The following ATG10 variants were observed in gnomAD, a reference collection of about 807,000 sequenced individuals.
ATG10 encodes the protein autophagy related 10, also known as ubiquitin-like-conjugating enzyme ATG10.
A neutral mutation model predicts 32.1 loss-of-function variants in ATG10; 30 were observed. The observed-to-expected ratio is 0.94, with a 90% confidence interval of 0.70 to 1.27. The LOEUF (loss-of-function observed/expected upper bound fraction) is 1.27, where lower values mean the gene tolerates loss of function less well. Ranked by LOEUF, ATG10 falls within the 50% of genes most tolerant of loss-of-function variation. The pLI is 0.00. For missense variants in ATG10, 233 were observed against 262.3 expected (o/e 0.89, Z 0.77); for synonymous variants, 87 against 91.5 (o/e 0.95, Z 0.28).
intron 1 of ATG10, among the ~76,000 whole-genome samples, chr5:81,977,747 G>A (rs1760909170): frequency 6.6e-6 from 1 of 152,154 alleles, no homozygotes; most frequent in South Asian, 2.1e-4. Context: ...AGAACTCCAA[G>A]TTTTGGAGTC....
chr5:82,016,983 C>G (rs908836002), intron 2 of ATG10, among the ~76,000 whole-genome samples: 2 of 152,176 alleles, frequency 1.3e-5, no homozygotes, highest in Non-Finnish European at 2.9e-5. Flanking sequence ...AGCCACTGCG[C>G]CCAGCCCCAG....
intron 3 of ATG10, among the ~76,000 whole-genome samples, chr5:82,067,595 T>C (rs927305984): frequency 6.6e-6 from 1 of 152,158 alleles, no homozygotes; most frequent in African/African-American, 2.4e-5. Context: ...AATAGCACTT[T>C]GCAAAATTCA....
intron 5 of ATG10, among the ~76,000 whole-genome samples, chr5:82,252,297 C>T (rs1390146546): frequency 6.6e-6 from 1 of 152,194 alleles, no homozygotes; most frequent in Non-Finnish European, 1.5e-5. Context: ...TGATAAAATG[C>T]AACTACAGTT....
chr5:82,154,739 C>T (rs1457385681), intron 3 of ATG10, among the ~76,000 whole-genome samples: 1 of 152,212 alleles, frequency 6.6e-6, no homozygotes, highest in Non-Finnish European at 1.5e-5. Context: ...AAAGCAACAA[C>T]CACATCTTTG....
chr5:82,177,481 G>C (rs922742161), intron 4 of ATG10, among the ~76,000 whole-genome samples: 2 of 152,104 alleles, frequency 1.3e-5, no homozygotes, highest in African/African-American at 4.8e-5. Flanking sequence ...ATATCTTTAA[G>C]TGATATCATC....
chr5:82,015,560 G>T (rs185889940), intron 2 of ATG10, among the ~76,000 whole-genome samples: 100 of 151,962 alleles, frequency 6.6e-4, no homozygotes, highest in African/African-American at 2.2e-3. Context: ...TTCTCTTCTC[G>T]CTTCAATTCA....
At position 81,985,357 on chromosome 5, in the gene ATG10, A is replaced by G. The variant is rs187756632; in HGVS notation, c.-12-2202A>G. On this transcript the variant is annotated intron_variant, in intron 1 of 7. Coordinates refer to ENST00000282185, the MANE Select transcript of ATG10 (RefSeq NM_031482.5). ...TCTTCTCTTGCTAGTCTAGTTTTGCATTCTCTCTGATTGATGAAATGGGTT... is the reference window on the plus strand; with the variant it reads ...TCTTCTCTTGCTAGTCTAGTTTTGCGTTCTCTCTGATTGATGAAATGGGTT... Among the ~76,000 whole-genome samples, 7 of 152,222 alleles carry G rather than the reference A, an allele frequency of 4.6e-5. No individual in the cohort carries two copies. In the East Asian group the frequency reaches 1.4e-3, roughly 29 times the overall value.
At chr5:81,977,638 A>G (rs1336879672) in intron 1 of ATG10, among the ~76,000 whole-genome samples, 1 of 152,192 alleles carries the variant, frequency 6.6e-6, no homozygotes, top group Non-Finnish European at 1.5e-5. Context: ...CTGTCTTTGC[A>G]GGAGCTCCTC....
At chr5:81,993,422 T>TCTTTCCTTTC in intron 2 of ATG10, among the ~76,000 whole-genome samples, 1 of 142,442 alleles carries the variant, frequency 7.0e-6, no homozygotes, top group Non-Finnish European at 1.5e-5. Context: ...TCTTTTCTTT[T>TCTTTCCTTTC]CTTTCCTTCT....
chr5:82,072,180 G>A (rs957783935), intron 3 of ATG10, among the ~76,000 whole-genome samples: 17 of 152,174 alleles, frequency 1.1e-4, no homozygotes, highest in African/African-American at 4.1e-4. Flanking sequence ...GAACATGTAG[G>A]TAGAAGAACC....
At chr5:82,113,210 C>T (rs998848458) in intron 3 of ATG10, among the ~76,000 whole-genome samples, 2 of 151,638 alleles carry the variant, frequency 1.3e-5, no homozygotes, top group Non-Finnish European at 2.9e-5. Flanking sequence ...CGTTTAGCAC[C>T]AGATTTATGA....
chr5:82,001,446 G>C (rs1056274777), intron 2 of ATG10, among the ~76,000 whole-genome samples: 6 of 152,032 alleles, frequency 3.9e-5, no homozygotes, highest in Non-Finnish European at 5.9e-5. Context: ...TGGTACAAAA[G>C]CAGACACAAA....
intron 4 of ATG10, among the ~76,000 whole-genome samples, chr5:82,175,577 G>A (rs1053671568): frequency 3.9e-5 from 6 of 152,152 alleles, no homozygotes; most frequent in Admixed American, 1.3e-4. Flanking sequence ...TCTTGATAAA[G>A]TTATGTGTGT....
At chr5:82,208,444 T>C (rs1488696766) in intron 5 of ATG10, among the ~76,000 whole-genome samples, 1 of 152,186 alleles carries the variant, frequency 6.6e-6, no homozygotes, top group African/African-American at 2.4e-5. Context: ...TGGTACATCC[T>C]CCATTGATTA....
intron 1 of ATG10, among the ~76,000 whole-genome samples, chr5:81,986,641 C>A (rs1199337204): frequency 3.9e-5 from 6 of 151,904 alleles, no homozygotes; most frequent in Non-Finnish European, 7.4e-5. Flanking sequence ...GCCTTGAAGC[C>A]AAACAGGGGT....
chr5:82,074,235 T>A (rs1056177715), intron 3 of ATG10, among the ~76,000 whole-genome samples: 10 of 152,186 alleles, frequency 6.6e-5, no homozygotes, highest in African/African-American at 2.2e-4. Flanking sequence ...TTTCTGTCAA[T>A]TTTTCTTTAC....
chr5:82,200,978 G>A (rs188587921), intron 5 of ATG10, among the ~76,000 whole-genome samples: 8 of 151,452 alleles, frequency 5.3e-5, no homozygotes, highest in Non-Finnish European at 1.0e-4. Context: ...TCTGCTCCCC[G>A]GGCTCAAGCA....
At chr5:81,980,868 ATC>A (rs1257798048) in intron 1 of ATG10, among the ~76,000 whole-genome samples, 1 of 152,132 alleles carries the variant, frequency 6.6e-6, no homozygotes, top group Non-Finnish European at 1.5e-5. Context: ...GCAACTCAGG[ATC>A]TGTTTCTCTG....
At chr5:82,051,270 T>G (rs1763412155) in intron 2 of ATG10, among the ~76,000 whole-genome samples, 1 of 152,166 alleles carries the variant, frequency 6.6e-6, no homozygotes, top group Non-Finnish European at 1.5e-5. Context: ...TTGGGCTGAA[T>G]GCATCCAGAA....
Sources: gnomAD v4.1 joint callset for allele counts (sites outside exome capture counted in the v4.1 genomes callset) on GRCh38, gnomAD v4.1.1 for gene constraint, MANE v1.5 for transcripts, NCBI Gene and HGNC (gene_info 2026-07-23, HGNC 2026-07-21) for gene names.